Variants in SVIL observed in about 807,000 individuals in gnomAD.
The protein encoded by SVIL is supervillin.
A neutral mutation model predicts 240.4 loss-of-function variants in SVIL; 101 were observed. The observed-to-expected ratio is 0.42, with a 90% CI of 0.36 to 0.50. SVIL has a LOEUF of 0.50. Among genes scored for constraint, SVIL ranks in the 20% least tolerant of loss-of-function variants. SVIL has a pLI of 0.01. For missense variants in SVIL, 2,512 were observed against 2,818.7 expected, an observed-to-expected ratio of 0.89 and a Z score of 2.46; for synonymous variants, 999 against 1,100.0, an observed-to-expected ratio of 0.91 and a Z score of 1.82.
In SVIL at chr10:29,696,510, C is replaced by CGCCTCGTCCCG. The variant is rs1298669072; in HGVS notation, c.-399-9870_-399-9860dup. ...GCCATCCCACCTGGGAAGTGAGGAG[C>CGCCTCGTCCCG]GCCTCGTCCCGGCCACCATCCCATC... On this transcript the variant is annotated intron_variant, in intron 1 of 35. Transcript: ENST00000375400. 4.4e-4 allele frequency among the ~76,000 whole-genome samples: 64 copies of CGCCTCGTCCCG among 146,470 alleles called. 1 individual carries two copies. Among genetic ancestry groups the CGCCTCGTCCCG allele is most frequent in the African/African-American group, 1.3e-3 (51 of 40,520 alleles).
At chr10:29,622,819 C>T (rs1957714321) in intron 1 of SVIL, among the ~76,000 whole-genome samples, 1 of 152,214 alleles carries the variant, frequency 6.6e-6, no homozygotes, top group African/African-American at 2.4e-5. Context: ...TCCCGGAATT[C>T]AAAGCACCTC....
At chr10:29,566,385 C>A (rs1048615150) in intron 2 of SVIL, among the ~76,000 whole-genome samples, 1 of 152,186 alleles carries the variant, frequency 6.6e-6, no homozygotes, top group Non-Finnish European at 1.5e-5. Flanking sequence ...CCTGCTCCCG[C>A]TAAATGACTG....
chr10:29,548,487 A>G (rs750633759), intron 6 of SVIL, among the ~76,000 whole-genome samples: 2 of 152,142 alleles, frequency 1.3e-5, no homozygotes, highest in African/African-American at 4.8e-5. Flanking sequence ...GGAAGTAAAC[A>G]TATATTCTCT....
intron 3 of SVIL, among the ~76,000 whole-genome samples, chr10:29,647,941 T>C (rs1169134476): frequency 2.1e-5 from 3 of 139,686 alleles, no homozygotes; most frequent in Non-Finnish European, 4.6e-5. Context: ...GTGGCATTTT[T>C]AATTGAAATG....
chr10:29,714,395 G>C (rs932891780), intron 1 of SVIL, among the ~76,000 whole-genome samples: 1 of 152,186 alleles, frequency 6.6e-6, no homozygotes, highest in African/African-American at 2.4e-5. Context: ...GAGGTGAACT[G>C]ATTGGACACA....
At chr10:29,575,554 C>T (rs1362223037) in intron 1 of SVIL, among the ~76,000 whole-genome samples, 1 of 152,136 alleles carries the variant, frequency 6.6e-6, no homozygotes, top group Admixed American at 6.6e-5. Context: ...TTTAAGTTTC[C>T]TATAATTCCT....
At chr10:29,712,226 G>T (rs1963339822) in intron 1 of SVIL, among the ~76,000 whole-genome samples, 1 of 152,150 alleles carries the variant, frequency 6.6e-6, no homozygotes, top group South Asian at 2.1e-4. Context: ...TTGGAACATT[G>T]TTGAAATCTG....
At chr10:29,474,067 C>T (rs1339841150) in intron 29 of SVIL, 78 bp from the exon 30 acceptor site, 8 of 1,554,610 alleles carry the variant, frequency 5.1e-6, no homozygotes, top group East Asian at 2.3e-5. Context: ...CTCACTTTCC[C>T]CGGGCCTGCA....
At chr10:29,546,477 A>G (rs1375124037) in intron 6 of SVIL, among the ~76,000 whole-genome samples, 2 of 152,342 alleles carry the variant, frequency 1.3e-5, no homozygotes, top group Middle Eastern at 3.4e-3. Context: ...TTTTTAAAAA[A>G]TCTTCTTTAT....
intron 14 of SVIL, among the ~76,000 whole-genome samples, 185 bp downstream of exon 14, chr10:29,524,287 C>CA (rs1257050893): frequency 6.6e-6 from 1 of 151,718 alleles, no homozygotes; most frequent in East Asian, 1.9e-4. Context: ...GGTATGAAAA[C>CA]AAAAAAAGAG....
intron 16 of SVIL, among the ~76,000 whole-genome samples, chr10:29,522,018 T>C (rs1950588432): frequency 6.6e-6 from 1 of 152,250 alleles, no homozygotes; most frequent in African/African-American, 2.4e-5. Flanking sequence ...ACAAGTGGTT[T>C]GTGCATTCAG....
At chr10:29,662,558 G>T (rs1332248783) in intron 2 of SVIL, among the ~76,000 whole-genome samples, 1 of 152,194 alleles carries the variant, frequency 6.6e-6, no homozygotes, top group Non-Finnish European at 1.5e-5. Context: ...GTCTGGAGTA[G>T]TTCCAGGCAT....
At chr10:29,592,720 T>C (rs2479688) in intron 1 of SVIL, among the ~76,000 whole-genome samples, 32,445 of 152,086 alleles carry the variant, frequency 0.21, 3,564 homozygotes, top group Middle Eastern at 0.31. Context: ...AAAAATCTTC[T>C]CTTGGGGTAA....
chr10:29,631,371 C>T (rs1416540608), intron 1 of SVIL, among the ~76,000 whole-genome samples: 3 of 151,944 alleles, frequency 2.0e-5, no homozygotes, highest in Non-Finnish European at 2.9e-5. Context: ...AGGCCAGGCG[C>T]GGTGGCTCAT....
At chr10:29,485,476 A>G (rs144530906) in intron 26 of SVIL, among the ~76,000 whole-genome samples, 5 of 152,318 alleles carry the variant, frequency 3.3e-5, no homozygotes, top group East Asian at 1.9e-4. Flanking sequence ...TTCACTTTCT[A>G]TGTAAAATTA....
chr10:29,522,955 C>T (rs1208153631), intron 15 of SVIL, among the ~76,000 whole-genome samples: 3 of 152,232 alleles, frequency 2.0e-5, no homozygotes, highest in Non-Finnish European at 2.9e-5. Flanking sequence ...ATGTGCTATA[C>T]TCACAAACGC....
chr10:29,496,959 G>C (rs144125841), intron 18 of SVIL, among the ~76,000 whole-genome samples: 1 of 152,178 alleles, frequency 6.6e-6, no homozygotes, highest in Non-Finnish European at 1.5e-5. Context: ...TGCACCTAAC[G>C]ACGTGCTTCT....
At chr10:29,644,691 A>C (rs1958599067) in intron 3 of SVIL, among the ~76,000 whole-genome samples, 1 of 152,160 alleles carries the variant, frequency 6.6e-6, no homozygotes. Context: ...AGAAAGAAAG[A>C]GGGAAAGAAA....
chr10:29,520,446 T>C (rs1950488715), intron 16 of SVIL, among the ~76,000 whole-genome samples: 2 of 152,156 alleles, frequency 1.3e-5, no homozygotes, highest in Admixed American at 6.5e-5. Flanking sequence ...CATTGCACTG[T>C]CCCCTCTGCC....
Sources: allele counts gnomAD v4.1 joint callset (sites outside exome capture counted in the v4.1 genomes callset), GRCh38; gene constraint gnomAD v4.1.1; transcripts MANE v1.5; gene names NCBI Gene and HGNC (gene_info 2026-07-23, HGNC 2026-07-21).